NTAQ1: variants seen among roughly 807,000 people sequenced by gnomAD.
NTAQ1 encodes the protein N-terminal glutamine amidase 1.
Under a neutral mutation model 28.2 loss-of-function variants are expected in NTAQ1, and 21 were observed. That is an observed-to-expected ratio of 0.74 (90% confidence interval 0.53 to 1.07). The LOEUF is 1.07. Among genes scored for constraint, NTAQ1 ranks in the 50% least tolerant of loss-of-function variants. The pLI, the probability that NTAQ1 is intolerant of heterozygous loss-of-function variation, is 0.00. For missense variants in NTAQ1, 264 were observed against 256.6 expected, an observed-to-expected ratio of 1.03 and a Z score of -0.20; for synonymous variants, 105 against 90.0, an observed-to-expected ratio of 1.17 and a Z score of -0.94.
chr8:123,470,924 T>C (rs1387839169), downstream of NTAQ1, among the ~76,000 whole-genome samples: 11 of 138,580 alleles, frequency 7.9e-5, no homozygotes, highest in South Asian at 1.6e-3. Flanking sequence ...TTTTCTTTTT[T>C]TTTTTTCTTT....
At chr8:123,435,440 A>G (rs1325248071) in intron 3 of NTAQ1, 6 of 985,112 alleles carry the variant, frequency 6.1e-6, no homozygotes, top group Admixed American at 6.2e-5. Context: ...TCTCCTCTCC[A>G]GGCTGACCCC....
chr8:123,440,039 CT>C (rs909474113), intron 5 of NTAQ1, among the ~76,000 whole-genome samples: 410 of 134,092 alleles, frequency 3.1e-3, no homozygotes, highest in South Asian at 0.017. Context: ...GGAATTGACT[CT>C]TTTTTTTTTT....
chr8:123,456,883 T>C (rs891635039), intron 6 of NTAQ1, among the ~76,000 whole-genome samples: 1 of 152,204 alleles, frequency 6.6e-6, no homozygotes, highest in Non-Finnish European at 1.5e-5. Flanking sequence ...TAGGAATTTA[T>C]CTTACAGATA....
rs754548357 is a variant in NTAQ1 at position 123,429,969 on chromosome 8, A to G, written c.184-14A>G. On this transcript the variant is annotated splice_polypyrimidine_tract_variant and intron_variant, in intron 2 of 5. Coordinates refer to ENST00000287387, the MANE Select transcript of NTAQ1 (RefSeq NM_018024.3). Reference sequence around the variant, plus strand: ...ACTAAAGGTATGGCTTACGAAATGTATTGTATTTTGTAGATACCTATCTGG... The same window carrying G: ...ACTAAAGGTATGGCTTACGAAATGTGTTGTATTTTGTAGATACCTATCTGG... The G allele has an allele frequency of 1.4e-5, 22 of 1,601,422 alleles. No homozygotes were observed. The highest frequency in any genetic ancestry group is 1.8e-5 in the Non-Finnish European group (21 of 1,173,036).
At chr8:123,473,998 CAT>C (rs1190746243), downstream of NTAQ1, among the ~76,000 whole-genome samples, 1 of 151,958 alleles carries the variant, frequency 6.6e-6, no homozygotes, top group Non-Finnish European at 1.5e-5. Context: ...GACTTGTGAA[CAT>C]ATTTGTTATT....
rs1344311345 is a variant in NTAQ1, at chr8:123,427,826, CTT to C, written c.84-95_84-94del. The C allele has an allele frequency of 3.0e-6, 3 of 1,006,064 alleles. No homozygotes were observed. The African/African-American group carries it at 4.9e-5, about 16-fold the overall frequency. The allele number at this position is 1,006,064 out of a possible 1,614,324, so 62.3% of individuals were successfully genotyped here. ...TGTTGGATGACATGGGGTTTAAGGT[CTT>C]TTCCAACTTTTTGATGTCATCATCA... On this transcript the variant is annotated intron_variant, in intron 1 of 5. Transcript: ENST00000287387.
intron 1 of NTAQ1, among the ~76,000 whole-genome samples, chr8:123,427,010 G>A (rs1258671471): frequency 6.6e-6 from 1 of 151,982 alleles, no homozygotes; most frequent in African/African-American, 2.4e-5. Context: ...CTTACTAGAG[G>A]GGCATGGGGA....
intron 1 of NTAQ1, among the ~76,000 whole-genome samples, chr8:123,418,459 A>AAT (rs1813449582): frequency 6.9e-6 from 1 of 145,768 alleles, no homozygotes; most frequent in South Asian, 2.2e-4. Context: ...AAAAAAAAAA[A>AAT]AAAATAAAAA....
chr8:123,426,739 C>A (rs1814076536), intron 1 of NTAQ1, among the ~76,000 whole-genome samples: 1 of 151,982 alleles, frequency 6.6e-6, no homozygotes, highest in South Asian at 2.1e-4. Context: ...GTAGGTGGAT[C>A]ACTTGAGATC....
intron 6 of NTAQ1, among the ~76,000 whole-genome samples, chr8:123,463,699 G>A (rs1188748398): frequency 6.6e-6 from 1 of 152,142 alleles, no homozygotes; most frequent in East Asian, 1.9e-4. Flanking sequence ...TTTATTGGGG[G>A]AGTGTTTGGG....
At chr8:123,443,194 A>G (rs962860152), downstream of NTAQ1, among the ~76,000 whole-genome samples, 39 of 149,602 alleles carry the variant, frequency 2.6e-4, no homozygotes, top group African/African-American at 9.6e-4. Context: ...TAATTTTTGT[A>G]TTTTTAATAG....
At chr8:123,471,136 G>T, downstream of NTAQ1, among the ~76,000 whole-genome samples, 1 of 150,206 alleles carries the variant, frequency 6.7e-6, no homozygotes, top group South Asian at 2.1e-4. Flanking sequence ...TTGTTATGTT[G>T]CCCAGGCTGG....
At chr8:123,428,335 T>C (rs1266079474) in intron 2 of NTAQ1, among the ~76,000 whole-genome samples, 4 of 152,100 alleles carry the variant, frequency 2.6e-5, no homozygotes, top group South Asian at 2.1e-4. Context: ...TAGCTGAGAC[T>C]ACAGGCATGT....
Position 123,438,603 on chromosome 8 carries a change from C to T in NTAQ1, c.508+1269C>T, listed in dbSNP as rs188396953. Among the ~76,000 whole-genome samples the T allele has an allele frequency of 2.0e-3, 299 of 148,378 alleles. 1 individual carries two copies. Among genetic ancestry groups the T allele is most frequent in the Non-Finnish European group, 3.7e-3 (247 of 67,588 alleles). On this transcript the variant is annotated intron_variant, in intron 5 of 5. Coordinates refer to ENST00000287387, the MANE Select transcript of NTAQ1 (RefSeq NM_018024.3). ...CCGGGTAATTGCTTGAACCGGGAGG[C>T]AGAGGTTGCAGTGAGCCGAGATCGC...
intron 6 of NTAQ1, among the ~76,000 whole-genome samples, chr8:123,464,134 C>T (rs1815905596): frequency 6.6e-6 from 1 of 152,130 alleles, no homozygotes; most frequent in African/African-American, 2.4e-5. Flanking sequence ...ATAAATTATC[C>T]TGTCTCAGGT....
intron 6 of NTAQ1, among the ~76,000 whole-genome samples, chr8:123,459,804 T>G (rs1255001246): frequency 6.7e-6 from 1 of 148,880 alleles, no homozygotes; most frequent in East Asian, 2.0e-4. Flanking sequence ...ATCATTCTTT[T>G]TTTTTTTTTT....
intron 5 of NTAQ1, among the ~76,000 whole-genome samples, chr8:123,440,441 C>G (rs1222337731): frequency 6.6e-6 from 1 of 151,484 alleles, no homozygotes; most frequent in Non-Finnish European, 1.5e-5. Flanking sequence ...TAGGCGTGAG[C>G]CACCACGCCT....
At chr8:123,439,063 C>T (rs950078095) in intron 5 of NTAQ1, among the ~76,000 whole-genome samples, 5 of 152,222 alleles carry the variant, frequency 3.3e-5, no homozygotes, top group African/African-American at 1.2e-4. Context: ...CAGCCCTGGT[C>T]CAACTGGGGC....
downstream of NTAQ1, among the ~76,000 whole-genome samples, chr8:123,473,382 G>T (rs1431284655): frequency 6.7e-6 from 1 of 149,780 alleles, no homozygotes; most frequent in South Asian, 2.1e-4. Context: ...TGCAACTTCC[G>T]TGCCCTGGGC....
Sources: allele counts gnomAD v4.1 joint callset (sites outside exome capture counted in the v4.1 genomes callset), GRCh38; gene constraint gnomAD v4.1.1; transcripts MANE v1.5; gene names NCBI Gene and HGNC (gene_info 2026-07-23, HGNC 2026-07-21).